ARHGAP42: variants seen among roughly 807,000 people sequenced by gnomAD.
ARHGAP42 encodes rho GTPase-activating protein 42.
ARHGAP42 carries 63 observed loss-of-function variants against 125.0 expected under a neutral mutation model. The observed-to-expected ratio is 0.50, with a 90% CI of 0.41 to 0.62. The LOEUF (loss-of-function observed/expected upper bound fraction) is 0.62, where lower values mean the gene tolerates loss of function less well. Among genes scored for constraint, ARHGAP42 ranks in the 20% least tolerant of loss-of-function variants. The probability of loss-of-function intolerance (pLI) is 0.00; values close to 1 mark genes in which losing one functional copy is unlikely to be tolerated. For synonymous variants in ARHGAP42, 339 were observed against 351.0 expected, an observed-to-expected ratio of 0.97 and a Z score of 0.38; for missense variants, 766 against 1,024.2, an observed-to-expected ratio of 0.75 and a Z score of 3.44.
intron 1 of ARHGAP42, among the ~76,000 whole-genome samples, chr11:100,746,009 G>A (rs1030999231): frequency 2.0e-5 from 3 of 152,152 alleles, no homozygotes; most frequent in Non-Finnish European, 4.4e-5. Flanking sequence ...TTTGCTTTAT[G>A]ATGTCTTATT....
chr11:100,980,537 A>G (rs1858507669), intron 22 of ARHGAP42, among the ~76,000 whole-genome samples: 1 of 124,196 alleles, frequency 8.1e-6, no homozygotes, highest in South Asian at 2.9e-4. Flanking sequence ...TCAACAGTCA[A>G]ATCATACTTC....
chr11:100,801,780 C>A (rs1863858103), intron 3 of ARHGAP42, among the ~76,000 whole-genome samples: 1 of 152,146 alleles, frequency 6.6e-6, no homozygotes, highest in African/African-American at 2.4e-5. Context: ...TTCCATAATG[C>A]AGGATTTTCC....
At chr11:100,973,554 T>C (rs1410307781) in intron 18 of ARHGAP42, among the ~76,000 whole-genome samples, 2 of 152,198 alleles carry the variant, frequency 1.3e-5, no homozygotes, top group Non-Finnish European at 2.9e-5. Flanking sequence ...CTTCTTTACA[T>C]TGTATGGTAA....
chr11:100,949,929 C>A lies in ARHGAP42; in HGVS notation c.1135C>A (p.Pro379Thr). 1 of 1,476,028 alleles carries A rather than the reference C, an allele frequency of 6.8e-7. No homozygotes were observed. The highest frequency in any genetic ancestry group is 9.2e-7 in the Non-Finnish European group (1 of 1,088,102). 91.4% of individuals were successfully genotyped at this position (1,476,028 alleles called of 1,614,324 possible). Residue 379 changes from proline (P) to threonine (T), a missense_variant, in exon 12 of 24, where the codon CCT (proline) becomes ACT (threonine). Pro to Thr is a conservative substitution (Grantham distance 38, BLOSUM62 -1). This residue lies in a region of ARHGAP42 where 455 missense variants were observed against 636.5 expected (regional missense o/e 0.71). Coordinates refer to ENST00000298815, the MANE Select transcript of ARHGAP42 (RefSeq NM_152432.4). ...CTTTGTTTTTTAGATTTATACTCTG[C>A]CTGCCATTATAAGCAAGAAAGAAGA... ...MDGKEPIYTL[P>T]AIISKKEEMY...
chr11:100,857,153 T>C (rs958895467), intron 3 of ARHGAP42, among the ~76,000 whole-genome samples: 2 of 152,076 alleles, frequency 1.3e-5, no homozygotes, highest in African/African-American at 4.8e-5. Context: ...ACACCCTTCT[T>C]TTTTTTCTGT....
Position 100,782,165 on chromosome 11 carries a change from A to G in ARHGAP42, c.250+11727A>G, listed in dbSNP as rs553699198. ...AGAGAATATTATAGAAGACTTTGCT[A>G]TGTAGTCTGGAGTTTAACTTGCAGG... On this transcript the variant is annotated intron_variant, in intron 2 of 23. Transcript: ENST00000298815. Among the ~76,000 whole-genome samples the G allele has an allele frequency of 2.6e-5, 4 of 152,302 alleles. No homozygotes were observed. The South Asian group carries it at 8.3e-4, about 32-fold the overall frequency.
At chr11:100,700,206 C>T (rs1219719164) in intron 1 of ARHGAP42, among the ~76,000 whole-genome samples, 6 of 152,162 alleles carry the variant, frequency 3.9e-5, no homozygotes, top group Non-Finnish European at 8.8e-5. Context: ...AAAAAATGTG[C>T]AGACCTTAAT....
chr11:100,837,523 T>C (rs1864819749), intron 3 of ARHGAP42, among the ~76,000 whole-genome samples: 1 of 152,032 alleles, frequency 6.6e-6, no homozygotes, highest in Non-Finnish European at 1.5e-5. Flanking sequence ...AGTGCAGGCA[T>C]GCTCAAAAGA....
intron 4 of ARHGAP42, among the ~76,000 whole-genome samples, chr11:100,865,742 A>G (rs997497901): frequency 6.6e-6 from 1 of 152,348 alleles, no homozygotes; most frequent in East Asian, 1.9e-4. Context: ...AAATCAATGT[A>G]CATACCTTAT....
intron 1 of ARHGAP42, among the ~76,000 whole-genome samples, chr11:100,724,174 C>T (rs2120279315): frequency 1.3e-5 from 2 of 152,166 alleles, no homozygotes; most frequent in South Asian, 4.1e-4. Context: ...TAATAAATCT[C>T]ACTTGGTGGG....
intron 2 of ARHGAP42, among the ~76,000 whole-genome samples, chr11:100,789,368 C>G (rs946075289): frequency 1.4e-4 from 21 of 152,320 alleles, no homozygotes; most frequent in East Asian, 3.9e-4. Flanking sequence ...TGCCAAGTGT[C>G]AGGTTCCAGC....
intron 1 of ARHGAP42, among the ~76,000 whole-genome samples, chr11:100,750,213 T>C (rs1241191006): frequency 6.6e-6 from 1 of 152,260 alleles, no homozygotes; most frequent in South Asian, 2.1e-4. Flanking sequence ...CAAGGCAACG[T>C]ACTTCTATAG....
intron 1 of ARHGAP42, among the ~76,000 whole-genome samples, chr11:100,731,782 A>T (rs1031508016): frequency 3.9e-5 from 6 of 152,154 alleles, no homozygotes; most frequent in Non-Finnish European, 7.3e-5. Context: ...CCCTGCTTCC[A>T]GTTAATGACT....
At chr11:100,753,420 A>G (rs963612256) in intron 1 of ARHGAP42, among the ~76,000 whole-genome samples, 1 of 152,154 alleles carries the variant, frequency 6.6e-6, no homozygotes, top group Non-Finnish European at 1.5e-5. Flanking sequence ...CTTTCAGGCA[A>G]TGCCACTCCT....
chr11:100,921,663 C>A, intron 6 of ARHGAP42, 59 bp downstream of exon 6: 1 of 1,039,832 alleles, frequency 9.6e-7, no homozygotes, highest in Non-Finnish European at 1.4e-6. Flanking sequence ...AAAAAAAGTA[C>A]ACTGTTTTTT....
intron 1 of ARHGAP42, among the ~76,000 whole-genome samples, chr11:100,753,443 A>C (rs1346468528): frequency 6.6e-6 from 1 of 152,120 alleles, no homozygotes; most frequent in Non-Finnish European, 1.5e-5. Flanking sequence ...TCTGCCCACA[A>C]AGCTGGGGTG....
At chr11:100,881,296 G>A (rs913813997) in intron 4 of ARHGAP42, among the ~76,000 whole-genome samples, 1 of 152,030 alleles carries the variant, frequency 6.6e-6, no homozygotes, top group Non-Finnish European at 1.5e-5. Context: ...TCTTACATGT[G>A]GCTTGCTAAT....
chr11:100,780,808 A>T (rs1863294162), intron 2 of ARHGAP42, among the ~76,000 whole-genome samples: 1 of 152,252 alleles, frequency 6.6e-6, no homozygotes, highest in Non-Finnish European at 1.5e-5. Flanking sequence ...GGACACCAAC[A>T]TTAAACAACC....
intron 2 of ARHGAP42, among the ~76,000 whole-genome samples, chr11:100,787,694 G>A (rs922925743): frequency 2.6e-5 from 4 of 152,192 alleles, no homozygotes; most frequent in Non-Finnish European, 4.4e-5. Flanking sequence ...GAACCCAGGC[G>A]TGGAGGGAGG....
Sources: allele counts gnomAD v4.1 joint callset (sites outside exome capture counted in the v4.1 genomes callset), GRCh38; gene constraint gnomAD v4.1.1; regional missense constraint gnomAD v4.1.1; transcripts MANE v1.5; gene names NCBI Gene and HGNC (gene_info 2026-07-23, HGNC 2026-07-21).